Variants in TSNARE1 observed in about 807,000 individuals in gnomAD.
TSNARE1 encodes t-SNARE domain containing 1, also known as t-SNARE domain-containing protein 1.
TSNARE1 carries 49 observed loss-of-function variants against 62.0 expected under a neutral mutation model. The ratio of observed to expected loss-of-function variants is 0.79; its 90% CI spans 0.63 to 1.00. The LOEUF (loss-of-function observed/expected upper bound fraction) is 1.00, where lower values mean the gene tolerates loss of function less well. Ranked by LOEUF, TSNARE1 falls within the 50% of genes least tolerant of loss-of-function variation. The pLI is 0.00. For synonymous variants in TSNARE1, 328 were observed against 294.4 expected (o/e 1.11, Z -1.17); for missense variants, 755 against 700.1 (o/e 1.08, Z -0.88).
intron 1 of TSNARE1, among the ~76,000 whole-genome samples, chr8:142,399,916 C>G (rs1263604876): frequency 6.6e-6 from 1 of 152,152 alleles, no homozygotes; most frequent in East Asian, 1.9e-4. Flanking sequence ...AGCCTGGAGC[C>G]AGACGCCATG....
rs61159388 is a variant in TSNARE1 at position 142,317,180 on chromosome 8, A to G, written c.984+1364T>C. The stretch of plus-strand genomic sequence containing the variant: ...ATGGCCAGCGGCTCACACTGTACGC[A>G]TGAAGCGGGTATGGCCAGCGGCTCA... On this transcript the variant is annotated intron_variant, in intron 7 of 13. Coordinates refer to ENST00000524325, the MANE Select transcript of TSNARE1 (RefSeq NM_145003.5). Among the ~76,000 whole-genome samples the G allele has an allele frequency of 2.5e-3, 348 of 140,324 alleles. 9 individuals carry two copies. Among genetic ancestry groups the G allele is most frequent in the African/African-American group, 6.1e-3 (233 of 38,080 alleles). 92.1% of individuals were successfully genotyped at this position (140,324 alleles called of 152,430 possible).
At chr8:142,350,069 CCAGGGCAGGCAGGGCAGG>C (rs71313219) in intron 2 of TSNARE1, among the ~76,000 whole-genome samples, 125 of 77,494 alleles carry the variant, frequency 1.6e-3, no homozygotes, top group African/African-American at 8.4e-3. Flanking sequence ...AGGGCTGGGA[CCAGGGCAGGCAGGGCAGG>C]CAGGGCAGGC....
chr8:142,269,731 C>G, intron 12 of TSNARE1: 2 of 985,372 alleles, frequency 2.0e-6, no homozygotes, highest in Non-Finnish European at 2.4e-6. Context: ...GATGGAAGGC[C>G]AGCTTTCCCA....
chr8:142,219,320 C>T (rs541231355), intron 13 of TSNARE1, among the ~76,000 whole-genome samples: 13 of 152,176 alleles, frequency 8.5e-5, no homozygotes, highest in East Asian at 5.8e-4. Flanking sequence ...CAGGAGATGA[C>T]GAGGAGGGAG....
intron 1 of TSNARE1, among the ~76,000 whole-genome samples, chr8:142,369,479 C>CAAACCACTGTCAAGT (rs1388098853): frequency 4.6e-5 from 7 of 152,290 alleles, no homozygotes; most frequent in African/African-American, 1.4e-4. Flanking sequence ...TTAGAAAAAG[C>CAAACCACTGTCAAGT]AAACCACTGT....
chr8:142,352,438 G>A (rs1834217181), intron 2 of TSNARE1, among the ~76,000 whole-genome samples: 1 of 152,266 alleles, frequency 6.6e-6, no homozygotes, highest in Non-Finnish European at 1.5e-5. Flanking sequence ...CAGCTCGGCT[G>A]CAGGTGGCCC....
At chr8:142,267,671 G>C (rs187707140) in intron 12 of TSNARE1, among the ~76,000 whole-genome samples, 2 of 152,104 alleles carry the variant, frequency 1.3e-5, no homozygotes, top group South Asian at 4.1e-4. Context: ...CACTCCCCCC[G>C]GCCTCTTTCT....
chr8:142,218,691 G>GC (rs1200606300), intron 13 of TSNARE1, among the ~76,000 whole-genome samples: 9 of 152,176 alleles, frequency 5.9e-5, no homozygotes, highest in Non-Finnish European at 1.2e-4. Flanking sequence ...CTGGCTGCCA[G>GC]CCCCCTGTGA....
intron 12 of TSNARE1, among the ~76,000 whole-genome samples, chr8:142,231,842 G>A (rs1328743247): frequency 1.3e-5 from 2 of 152,228 alleles, no homozygotes; most frequent in Non-Finnish European, 2.9e-5. Flanking sequence ...CACAGAGCCT[G>A]CTGCTGACTC....
Position 142,284,417 on chromosome 8 carries a change from A to C in TSNARE1, c.1359T>G (p.Ala453=). 1 of 1,613,074 alleles carries C rather than the reference A, an allele frequency of 6.2e-7. No individual in the cohort carries two copies. The highest frequency in any genetic ancestry group is 8.5e-7 in the Non-Finnish European group (1 of 1,179,760). The change falls in exon 11 of 14, where the codon GCT becomes GCG. Residue 453 remains alanine, a synonymous_variant. Transcript: ENST00000524325. ...GAGGCTGGGGCGGGTACCCACCAAC[A>C]GCTTCTCCTTGCTCTGACACCATGG... ...LASMVSEQGE[A]VDSIEASLEA... is the part of the protein sequence containing the mutation.
intron 1 of TSNARE1, among the ~76,000 whole-genome samples, chr8:142,399,792 A>G (rs1838153354): frequency 6.6e-6 from 1 of 152,226 alleles, no homozygotes; most frequent in South Asian, 2.1e-4. Context: ...GACTTTAAAG[A>G]ACACAATGAA....
chr8:142,403,394 T>A (rs986565452), upstream of TSNARE1, among the ~76,000 whole-genome samples: 7 of 152,066 alleles, frequency 4.6e-5, no homozygotes, highest in East Asian at 1.4e-3. Context: ...CGTTTCCCCG[T>A]TTCCCCGTTT....
intron 13 of TSNARE1, among the ~76,000 whole-genome samples, chr8:142,227,389 A>G (rs1816883414): frequency 8.0e-6 from 1 of 124,318 alleles, no homozygotes; most frequent in Non-Finnish European, 1.7e-5. Flanking sequence ...CATCCTGCCA[A>G]TAGCCCCAGT....
chr8:142,406,357 C>T (rs1838584203), upstream of TSNARE1: 1 of 152,278 alleles, frequency 6.6e-6, no homozygotes, highest in Non-Finnish European at 1.5e-5. Context: ...GGGAGTGGGA[C>T]ATCGTTCTAT....
intron 9 of TSNARE1, among the ~76,000 whole-genome samples, chr8:142,312,749 C>T (rs1314243471): frequency 1.3e-5 from 2 of 152,216 alleles, no homozygotes; most frequent in Non-Finnish European, 2.9e-5. Flanking sequence ...TCCCCTTGTG[C>T]TCTAGGGTTT....
At chr8:142,279,572 C>A (rs769003783) in intron 11 of TSNARE1, among the ~76,000 whole-genome samples, 1 of 152,224 alleles carries the variant, frequency 6.6e-6, no homozygotes, top group Non-Finnish European at 1.5e-5. Flanking sequence ...TATGGTCGAG[C>A]CCCTTGATGG....
At chr8:142,267,257 C>T (rs1296336029) in intron 12 of TSNARE1, among the ~76,000 whole-genome samples, 1 of 152,180 alleles carries the variant, frequency 6.6e-6, no homozygotes, top group East Asian at 1.9e-4. Context: ...TTGTGGGTAT[C>T]CCAAAGGCCT....
At chr8:142,390,260 G>GCGGGGGA (rs1268085768) in intron 1 of TSNARE1, among the ~76,000 whole-genome samples, 110 of 150,058 alleles carry the variant, frequency 7.3e-4, no homozygotes, top group East Asian at 2.2e-3. Flanking sequence ...GCTGTACACT[G>GCGGGGGA]CTGGGGACTC....
chr8:142,280,214 G>T (rs1056111526), intron 11 of TSNARE1: 5 of 985,282 alleles, frequency 5.1e-6, no homozygotes, highest in Non-Finnish European at 6.0e-6. Context: ...GTGCGGGAGT[G>T]GGGGCCCGGC....
Sources: allele counts gnomAD v4.1 joint callset (sites outside exome capture counted in the v4.1 genomes callset), GRCh38; gene constraint gnomAD v4.1.1; transcripts MANE v1.5; gene names NCBI Gene and HGNC (gene_info 2026-07-23, HGNC 2026-07-21).